Variants in DROSHA observed in about 807,000 individuals in gnomAD.
The protein encoded by DROSHA is drosha ribonuclease III, also known as ribonuclease 3.
Under a neutral mutation model 181.9 loss-of-function variants are expected in DROSHA, and 56 were observed. That is an observed-to-expected ratio of 0.31 (90% CI 0.25 to 0.38). DROSHA has a LOEUF of 0.38. Among genes scored for constraint, DROSHA ranks in the 10% least tolerant of loss-of-function variants. DROSHA has a pLI of 1.00. For missense variants in DROSHA, 1,218 were observed against 1,743.5 expected (o/e 0.70, Z 5.37); for synonymous variants, 524 against 591.2 (o/e 0.89, Z 1.65).
At position 31,470,294 on chromosome 5, in the gene DROSHA, CT is replaced by C. The variant is rs1380832405; in HGVS notation, c.2241+1768del. On this transcript the variant is annotated intron_variant, in intron 17 of 35. Transcript: ENST00000344624. The surrounding 1 kb of genome is among the most constrained non-coding windows in gnomAD (Gnocchi z 4.0). Reference sequence around the variant, plus strand: ...AGATCTTACTGTTTAGGAAGCACCCCTGGCAAGCCTATCCCAGTGATAGCTC... The same window carrying C: ...AGATCTTACTGTTTAGGAAGCACCCCGGCAAGCCTATCCCAGTGATAGCTC... Among the ~76,000 whole-genome samples the C allele has an allele frequency of 6.6e-6, 1 of 152,180 alleles. No homozygotes were observed. The highest frequency in any genetic ancestry group is 1.5e-5 in the Non-Finnish European group (1 of 68,032).
chr5:31,505,744 C>T (rs778636954), intron 10 of DROSHA: 4 of 152,118 alleles, frequency 2.6e-5, no homozygotes, highest in Admixed American at 6.5e-5. Context: ...CAGATTTCTT[C>T]GTTTCTTCTC....
At chr5:31,410,306 G>T (rs778135322) in intron 31 of DROSHA, among the ~76,000 whole-genome samples, 3 of 152,200 alleles carry the variant, frequency 2.0e-5, no homozygotes, top group Non-Finnish European at 2.9e-5. Flanking sequence ...AACTGCAAAA[G>T]ACGACATTTG....
intron 23 of DROSHA, among the ~76,000 whole-genome samples, chr5:31,442,336 G>A (rs1203487993): frequency 1.3e-5 from 2 of 152,140 alleles, no homozygotes; most frequent in Admixed American, 1.3e-4. Flanking sequence ...CTAAGCCAAC[G>A]GTTTATCTGG....
At chr5:31,461,206 G>A (rs1263588409) in intron 20 of DROSHA, among the ~76,000 whole-genome samples, 6 of 152,100 alleles carry the variant, frequency 3.9e-5, no homozygotes, top group African/African-American at 1.4e-4. Flanking sequence ...AAACTAGAGG[G>A]AATGGCTTTG....
intron 13 of DROSHA, among the ~76,000 whole-genome samples, chr5:31,490,432 T>G (rs1298621567): frequency 6.6e-6 from 1 of 151,734 alleles, no homozygotes; most frequent in Non-Finnish European, 1.5e-5. Context: ...TTCCCTTGCC[T>G]TAGTGCCAGG....
At chr5:31,477,722 A>C (rs997506990) in intron 16 of DROSHA, among the ~76,000 whole-genome samples, 1 of 152,226 alleles carries the variant, frequency 6.6e-6, no homozygotes, top group African/African-American at 2.4e-5. Context: ...TGATCTCACT[A>C]TCTTGAATCA....
chr5:31,421,912 T>TATATATGCGCCATATATA (rs1580025281), intron 29 of DROSHA: 1 of 61,700 alleles, frequency 1.6e-5, no homozygotes, highest in African/African-American at 1.6e-4. Flanking sequence ...TATATAAAAA[T>TATATATGCGCCATATATA]TAGCCGTGTG....
Position 31,401,572 on chromosome 5 carries a change from G to A in DROSHA, c.3995-10C>T. On this transcript the variant is annotated splice_polypyrimidine_tract_variant and intron_variant, in intron 35 of 35. Transcript: ENST00000344624. ...ATCTGGGGAAAATTATCTGACACAAGGAAATATATTTTATATTTAATAAAA... is the reference window on the plus strand; with the variant it reads ...ATCTGGGGAAAATTATCTGACACAAAGAAATATATTTTATATTTAATAAAA... 1 of 1,493,644 alleles carries A rather than the reference G, an allele frequency of 6.7e-7. No individual in the cohort carries two copies. The highest frequency in any genetic ancestry group is 8.9e-7 in the Non-Finnish European group (1 of 1,122,358). 92.5% of individuals were successfully genotyped at this position (1,493,644 alleles called of 1,614,324 possible).
Position 31,449,149 on chromosome 5 carries a change from A to G in DROSHA, c.2821+132T>C, listed in dbSNP as rs182142820. Reference sequence around the variant, plus strand: ...GACCCTGTCTCAAAAAAAAAAAAAAAGAGTCAGTAAGCACTAGAATATGAG... The same window carrying G: ...GACCCTGTCTCAAAAAAAAAAAAAAGGAGTCAGTAAGCACTAGAATATGAG... On this transcript the variant is annotated intron_variant, in intron 22 of 35. Coordinates refer to ENST00000344624, the MANE Select transcript of DROSHA (RefSeq NM_001382508.1). 457 of 1,201,834 alleles carry G rather than the reference A, an allele frequency of 3.8e-4. 4 individuals carry two copies. In the African/African-American group the frequency reaches 6.4e-3, roughly 17 times the overall value. The allele number at this position is 1,201,834 out of a possible 1,614,324, so 74.4% of individuals were successfully genotyped here.
chr5:31,508,499 G>C, intron 10 of DROSHA, 122 bp downstream of exon 10: 1 of 1,426,266 alleles, frequency 7.0e-7, no homozygotes. Context: ...TAGCTCTGAA[G>C]GACAAAACCC....
chr5:31,413,548 C>T (rs1213509616), intron 30 of DROSHA, among the ~76,000 whole-genome samples: 2 of 152,182 alleles, frequency 1.3e-5, no homozygotes, highest in Non-Finnish European at 2.9e-5. Flanking sequence ...TATGGCAGTT[C>T]AGTGCACCAG....
intron 35 of DROSHA, among the ~76,000 whole-genome samples, chr5:31,405,444 C>G (rs1740528605): frequency 6.6e-6 from 1 of 151,430 alleles, no homozygotes; most frequent in South Asian, 2.1e-4. Context: ...GATTAGGACT[C>G]TAAGCAAAAA....
chr5:31,510,506 T>C (rs1738546351), intron 9 of DROSHA, among the ~76,000 whole-genome samples: 1 of 152,194 alleles, frequency 6.6e-6, no homozygotes, highest in African/African-American at 2.4e-5. Flanking sequence ...GGATACAAAG[T>C]GATAAAAAGC....
intron 20 of DROSHA, among the ~76,000 whole-genome samples, chr5:31,454,534 T>C (rs1370147582): frequency 6.6e-6 from 1 of 152,192 alleles, no homozygotes; most frequent in Non-Finnish European, 1.5e-5. Flanking sequence ...CTATTTCATT[T>C]GGTTTATTTA....
intron 27 of DROSHA, among the ~76,000 whole-genome samples, chr5:31,428,352 A>C (rs1372041474): frequency 1.3e-5 from 2 of 152,126 alleles, no homozygotes; most frequent in Non-Finnish European, 2.9e-5. Flanking sequence ...GAAAGAGAGC[A>C]AAGAGGTTGC....
chr5:31,498,856 C>CAAA (rs199855344), intron 11 of DROSHA, among the ~76,000 whole-genome samples: 1 of 140,344 alleles, frequency 7.1e-6, no homozygotes, highest in East Asian at 2.0e-4. Context: ...AACTCTGTAT[C>CAAA]AAAAAAAAAA....
chr5:31,449,837 T>G (rs1045602969), intron 21 of DROSHA, among the ~76,000 whole-genome samples: 1 of 152,184 alleles, frequency 6.6e-6, no homozygotes, highest in Non-Finnish European at 1.5e-5. Context: ...CCCTGATCTT[T>G]CCATCTTATC....
intron 25 of DROSHA, among the ~76,000 whole-genome samples, chr5:31,434,791 G>A (rs1744590226): frequency 6.6e-6 from 1 of 152,160 alleles, no homozygotes; most frequent in South Asian, 2.1e-4. Context: ...GATCCTCAGT[G>A]CTTGGGGATT....
At chr5:31,421,436 A>G in intron 29 of DROSHA, 59 bp from the exon 30 acceptor site, 7 of 1,356,554 alleles carry the variant, frequency 5.2e-6, no homozygotes, top group Non-Finnish European at 7.3e-6. Flanking sequence ...TTCCAAAAAA[A>G]CACCCAGAAT....
Sources: gnomAD v4.1 joint callset for allele counts (sites outside exome capture counted in the v4.1 genomes callset) on GRCh38, gnomAD v4.1.1 for gene constraint, Gnocchi (gnomAD v3.1) non-coding constraint, MANE v1.5 for transcripts, NCBI Gene and HGNC (gene_info 2026-07-23, HGNC 2026-07-21) for gene names.